The following CYFIP1 variants were observed in gnomAD, a reference collection of about 807,000 sequenced individuals.
The protein encoded by CYFIP1 is cytoplasmic FMR1 interacting protein 1.
A neutral mutation model predicts 163.5 loss-of-function variants in CYFIP1; 58 were observed. The observed-to-expected ratio is 0.35, with a 90% CI of 0.29 to 0.44. CYFIP1 has a LOEUF of 0.44. Ranked by LOEUF, CYFIP1 falls within the 20% of genes least tolerant of loss-of-function variation. The probability of loss-of-function intolerance (pLI) is 1.00; values close to 1 mark genes in which losing one functional copy is unlikely to be tolerated. For synonymous variants in CYFIP1, 663 were observed against 660.7 expected, an observed-to-expected ratio of 1.00 and a Z score of -0.05; for missense variants, 1,338 against 1,653.8, an observed-to-expected ratio of 0.81 and a Z score of 3.31.
chr15:22,919,691 C>T (rs2061111213), intron 13 of CYFIP1, among the ~76,000 whole-genome samples: 1 of 152,110 alleles, frequency 6.6e-6, no homozygotes, highest in Admixed American at 6.6e-5. Flanking sequence ...TTAACTAGAA[C>T]GCTGTACCTA....
At position 22,875,236 on chromosome 15, in the gene CYFIP1, A is replaced by T; in HGVS notation, c.3078T>A (p.Ala1026=). The T allele has an allele frequency of 6.2e-7, 1 of 1,614,072 alleles. No homozygotes were observed. Among genetic ancestry groups the T allele is most frequent in the Non-Finnish European group, 8.5e-7 (1 of 1,179,988 alleles). The change falls in exon 27 of 31, where the codon GCT becomes GCA. Residue 1026 remains alanine, a synonymous_variant. Coordinates refer to ENST00000617928, the MANE Select transcript of CYFIP1 (RefSeq NM_014608.6). ...CTCGCGGCAAGATGTTCTGGAAAGG[A>T]GCCGCGTGCAGCAGGTCACACACTT... ...LEEVCDLLHA[A]PFQNILPRVH... is the part of the protein sequence containing the mutation.
intron 15 of CYFIP1, 47 bp from the exon 16 acceptor site, chr15:22,916,677 A>G: frequency 6.2e-7 from 1 of 1,614,154 alleles, no homozygotes; most frequent in Admixed American, 1.7e-5. Context: ...TATACATGGT[A>G]CATTAGTTAT....
At chr15:22,965,296 T>C (rs1039432684) in intron 1 of CYFIP1, among the ~76,000 whole-genome samples, 1 of 152,124 alleles carries the variant, frequency 6.6e-6, no homozygotes, top group African/African-American at 2.4e-5. Flanking sequence ...TCGTCTCTAC[T>C]AAAAATACAA....
In CYFIP1 at chr15:22,867,170, GAA is replaced by G; in HGVS notation, c.*2856_*2857del. 4 of 443,574 alleles carry G rather than the reference GAA, an allele frequency of 9.0e-6. No individual in the cohort carries two copies. The highest frequency in any genetic ancestry group is 1.6e-5 in the Non-Finnish European group (4 of 253,956). 27.5% of individuals were successfully genotyped at this position (443,574 alleles called of 1,614,324 possible). ...AATGCTTTATTTTTTCATTGGTGAT[GAA>G]AGTCTGAAATGTGCATTTGTCATCC... On this transcript the variant is annotated 3_prime_UTR_variant, in exon 31 of 31. Coordinates refer to ENST00000617928, the MANE Select transcript of CYFIP1 (RefSeq NM_014608.6).
chr15:22,939,647 C>T, intron 6 of CYFIP1, 140 bp from the exon 7 acceptor site: 3 of 744,264 alleles, frequency 4.0e-6, no homozygotes, highest in South Asian at 2.0e-5. Context: ...ATCTCAGAAG[C>T]CACCTATGAT....
At chr15:22,871,169 T>C (rs1408723297) in intron 30 of CYFIP1, among the ~76,000 whole-genome samples, 1 of 152,050 alleles carries the variant, frequency 6.6e-6, no homozygotes, top group Admixed American at 6.5e-5. Flanking sequence ...GGGAAAGCAA[T>C]CTAAATTAAC....
At chr15:22,951,040 C>G (rs140145946) in intron 1 of CYFIP1, among the ~76,000 whole-genome samples, 1 of 152,282 alleles carries the variant, frequency 6.6e-6, no homozygotes, top group African/African-American at 2.4e-5. Context: ...ACATAGACTA[C>G]GCAGGGTTCA....
intron 3 of CYFIP1, among the ~76,000 whole-genome samples, chr15:22,946,292 G>A (rs1007786253): frequency 6.6e-6 from 1 of 150,418 alleles, no homozygotes; most frequent in Non-Finnish European, 1.5e-5. Context: ...CAACCTGAGT[G>A]AGACCATCTC....
intron 1 of CYFIP1, among the ~76,000 whole-genome samples, chr15:22,953,483 C>T (rs937036699): frequency 1.3e-5 from 2 of 152,132 alleles, no homozygotes; most frequent in Admixed American, 1.3e-4. Flanking sequence ...ATGAATGCCA[C>T]GTCCCACAGG....
intron 1 of CYFIP1, among the ~76,000 whole-genome samples, chr15:22,950,016 T>C (rs2062198463): frequency 6.6e-6 from 1 of 151,962 alleles, no homozygotes. Flanking sequence ...CAAAGCAAAA[T>C]AGATAACATA....
rs1011961075 is a variant in CYFIP1, at chr15:22,929,718, G to T, written c.1111-1690C>A. Reference sequence around the variant, plus strand: ...TGGGAGGCCGAGACGGGCGGATCACGAGGTCAGGAGATCAAGACCATCCTG... The same window carrying T: ...TGGGAGGCCGAGACGGGCGGATCACTAGGTCAGGAGATCAAGACCATCCTG... On this transcript the variant is annotated intron_variant, in intron 11 of 30. Transcript: ENST00000617928. 2.2e-5 allele frequency among the ~76,000 whole-genome samples: 3 copies of T among 139,362 alleles called. No homozygotes were observed. The East Asian group carries it at 6.9e-4, about 32-fold the overall frequency. The allele number at this position is 139,362 out of a possible 152,430, so 91.4% of individuals were successfully genotyped here.
chr15:22,918,043 A>G, intron 14 of CYFIP1, 108 bp from the exon 15 acceptor site: 1 of 1,318,258 alleles, frequency 7.6e-7, no homozygotes, highest in Non-Finnish European at 1.0e-6. Context: ...AGCCCCCATG[A>G]AAATACAAAT....
chr15:22,979,562 G>A (rs938360017), intron 1 of CYFIP1, among the ~76,000 whole-genome samples: 2 of 152,160 alleles, frequency 1.3e-5, no homozygotes, highest in African/African-American at 2.4e-5. Context: ...CCGTCCAGAC[G>A]CCCCTCTCAG....
At chr15:22,980,177 A>AGT (rs1555428501) in intron 1 of CYFIP1, 110 bp downstream of exon 1, 1 of 108,558 alleles carries the variant, frequency 9.2e-6, no homozygotes, top group Non-Finnish European at 1.8e-5. Context: ...GTTGGGGGGG[A>AGT]GGGGGGGGTC....
intron 17 of CYFIP1, 119 bp downstream of exon 17, chr15:22,914,607 G>T: frequency 9.1e-7 from 1 of 1,099,130 alleles, no homozygotes; most frequent in Non-Finnish European, 1.2e-6. Flanking sequence ...ATTTTGCCCA[G>T]GCCCAGAAAC....
chr15:22,941,346 G>C (rs2061887207), intron 6 of CYFIP1, among the ~76,000 whole-genome samples: 1 of 152,144 alleles, frequency 6.6e-6, no homozygotes, highest in African/African-American at 2.4e-5. Context: ...ACAGGTGTGA[G>C]CCATCGCACC....
In CYFIP1 at chr15:22,903,831, G is replaced by A. The variant is rs754335429; in HGVS notation, c.2463C>T (p.Phe821=). ...LLSRYLTLDG[F]DAMFREANHN... is the part of the protein sequence containing the mutation. ...GGTTGGCCTCCCGGAACATGGCGTC[G>A]AAGCCGTCCAGCGTCAGGTACCGGC... The change falls in exon 22 of 31, where the codon TTC becomes TTT. Residue 821 remains phenylalanine (F), a synonymous_variant. Coordinates refer to ENST00000617928, the MANE Select transcript of CYFIP1 (RefSeq NM_014608.6). 28 of 1,614,170 alleles carry A rather than the reference G, an allele frequency of 1.7e-5. No homozygotes were observed. In the East Asian group the frequency reaches 2.2e-4, roughly 13 times the overall value.
intron 22 of CYFIP1, among the ~76,000 whole-genome samples, chr15:22,894,888 T>G (rs1406210476): frequency 1.4e-5 from 2 of 147,334 alleles, no homozygotes; most frequent in African/African-American, 2.5e-5. Context: ...TTTTTTTTTT[T>G]TTTGTCACCC....
At chr15:22,956,986 T>C (rs369174012) in intron 1 of CYFIP1, among the ~76,000 whole-genome samples, 39 of 152,238 alleles carry the variant, frequency 2.6e-4, no homozygotes, top group Non-Finnish European at 4.6e-4. Flanking sequence ...GGTGTTAAAA[T>C]AGAAACTGCC....
Sources: gnomAD v4.1 joint callset for allele counts (sites outside exome capture counted in the v4.1 genomes callset) on GRCh38, gnomAD v4.1.1 for gene constraint, MANE v1.5 for transcripts, NCBI Gene and HGNC (gene_info 2026-07-23, HGNC 2026-07-21) for gene names.